The following PPFIA2 variants were observed in gnomAD, a reference collection of about 807,000 sequenced individuals.
PPFIA2 encodes PPFI scaffold protein A2, also known as liprin-alpha-2.
In PPFIA2, 46 loss-of-function variants were observed where a neutral mutation model predicts 175.5. The observed-to-expected ratio is 0.26, with a 90% CI of 0.21 to 0.34. PPFIA2 has a LOEUF of 0.34. Ranked by LOEUF, PPFIA2 falls within the 10% of genes least tolerant of loss-of-function variation. PPFIA2 has a pLI of 1.00. For synonymous variants in PPFIA2, 568 were observed against 511.4 expected (o/e 1.11, Z -1.49); for missense variants, 1,179 against 1,506.1 (o/e 0.78, Z 3.60).
chr12:81,669,877 C>T (rs1428943294), intron 4 of PPFIA2, among the ~76,000 whole-genome samples: 1 of 151,976 alleles, frequency 6.6e-6, no homozygotes, highest in Non-Finnish European at 1.5e-5. Flanking sequence ...GCTAACATAG[C>T]TTTAAGGCTA....
intron 4 of PPFIA2, 112 bp from the exon 5 acceptor site, chr12:81,457,978 G>T: frequency 1.5e-6 from 1 of 654,648 alleles, no homozygotes. Flanking sequence ...CCCACTGACT[G>T]GTCAACATAT....
intron 9 of PPFIA2, chr12:81,377,999 T>C (rs762189320): frequency 6.6e-6 from 1 of 152,108 alleles, no homozygotes; most frequent in Non-Finnish European, 1.5e-5. Flanking sequence ...AGGAGGGGAT[T>C]TGGGGACACA....
At chr12:81,518,904 C>T (rs1423129760) in intron 4 of PPFIA2, among the ~76,000 whole-genome samples, 1 of 152,044 alleles carries the variant, frequency 6.6e-6, no homozygotes, top group African/African-American at 2.4e-5. Context: ...GTTAAAGCTG[C>T]TCAAATATTT....
chr12:81,453,887 A>G (rs2053107306), intron 5 of PPFIA2, among the ~76,000 whole-genome samples: 1 of 152,178 alleles, frequency 6.6e-6, no homozygotes, highest in African/African-American at 2.4e-5. Context: ...TTGACTTTCC[A>G]CATGACTAAC....
rs1219422466 is a variant in PPFIA2 at position 81,268,008 on chromosome 12, A to T, written c.3390T>A (p.Leu1130=). Residue 1130 remains leucine (L), a synonymous_variant, in exon 29 of 33, where the codon CTT becomes CTA. Coordinates refer to ENST00000549396, the MANE Select transcript of PPFIA2 (RefSeq NM_003625.5). ...TAAGTGAGCCATGCACACCGCTCTC[A>T]AGTATATTATTTGCATATTCTCGAA... is the stretch of plus-strand genomic sequence containing the variant. The part of the protein sequence containing the change: ...IGLREYANNI[L]ESGVHGSLIA... The T allele has an allele frequency of 6.3e-7, 1 of 1,597,736 alleles. No individual in the cohort carries two copies. The highest frequency in any genetic ancestry group is 1.1e-5 in the South Asian group (1 of 88,156).
chr12:81,537,952 T>C (rs1170289443), intron 4 of PPFIA2, among the ~76,000 whole-genome samples: 1 of 151,860 alleles, frequency 6.6e-6, no homozygotes, highest in Non-Finnish European at 1.5e-5. Flanking sequence ...ACACTAACAG[T>C]GGATCAATCT....
chr12:81,333,404 G>A (rs1009108806), intron 21 of PPFIA2, among the ~76,000 whole-genome samples: 2 of 152,132 alleles, frequency 1.3e-5, no homozygotes, highest in East Asian at 1.9e-4. Context: ...TTCTCCGAAC[G>A]TGATTCCAAT....
Position 81,618,270 on chromosome 12 carries a change from T to A in PPFIA2, c.303+58521A>T, listed in dbSNP as rs560867496. On this transcript the variant is annotated intron_variant, in intron 4 of 32. Coordinates refer to ENST00000549396, the MANE Select transcript of PPFIA2 (RefSeq NM_003625.5). ...GTGTAAATCTGTGTGTGTGTGTGTG[T>A]GTGTGTGTGTGTATTCGATGAGGAA... Among the ~76,000 whole-genome samples, 3 of 152,138 alleles carry A rather than the reference T, an allele frequency of 2.0e-5. No homozygotes were observed. In the South Asian group the frequency reaches 6.2e-4, roughly 32 times the overall value.
At chr12:81,515,478 C>A (rs114024873) in intron 4 of PPFIA2, among the ~76,000 whole-genome samples, 2,361 of 152,022 alleles carry the variant, frequency 0.016, 52 homozygotes, top group East Asian at 0.043. Flanking sequence ...AAAGATTTTG[C>A]TACAATTATT....
chr12:81,629,392 T>C (rs1441644255), intron 4 of PPFIA2, among the ~76,000 whole-genome samples: 1 of 152,190 alleles, frequency 6.6e-6, no homozygotes, highest in African/African-American at 2.4e-5. Context: ...TTTTTAACAG[T>C]TAGAAACTCT....
At chr12:81,712,429 T>C (rs2078059698) in intron 3 of PPFIA2, among the ~76,000 whole-genome samples, 1 of 151,364 alleles carries the variant, frequency 6.6e-6, no homozygotes, top group Non-Finnish European at 1.5e-5. Context: ...AATCCCTTAA[T>C]TGCAAATGTG....
intron 4 of PPFIA2, among the ~76,000 whole-genome samples, chr12:81,461,897 AAT>A (rs2054600574): frequency 6.6e-6 from 1 of 152,050 alleles, no homozygotes; most frequent in East Asian, 1.9e-4. Flanking sequence ...TTTATAACTG[AAT>A]TATGTGTTCG....
chr12:81,595,189 T>C (rs2059111546), intron 4 of PPFIA2, among the ~76,000 whole-genome samples: 1 of 151,702 alleles, frequency 6.6e-6, no homozygotes, highest in East Asian at 1.9e-4. Flanking sequence ...TAGAATCATG[T>C]TGAGACATCA....
chr12:81,631,364 G>C (rs2063363609), intron 4 of PPFIA2, among the ~76,000 whole-genome samples: 1 of 152,104 alleles, frequency 6.6e-6, no homozygotes, highest in African/African-American at 2.4e-5. Flanking sequence ...TACTGCTCAA[G>C]AGTCAGGATC....
chr12:81,339,096 A>C, intron 21 of PPFIA2, 84 bp downstream of exon 21: 1 of 1,170,716 alleles, frequency 8.5e-7, no homozygotes, highest in South Asian at 2.3e-5. Flanking sequence ...AAAGAAGAGC[A>C]ATGAAATGAA....
chr12:81,652,826 A>C (rs2067216724), intron 4 of PPFIA2, among the ~76,000 whole-genome samples: 1 of 152,070 alleles, frequency 6.6e-6, no homozygotes, highest in Admixed American at 6.6e-5. Context: ...TGAAGAATTC[A>C]CCTACGCCAA....
intron 28 of PPFIA2, among the ~76,000 whole-genome samples, chr12:81,274,468 C>A (rs1476084803): frequency 2.0e-5 from 3 of 151,928 alleles, no homozygotes; most frequent in African/African-American, 7.3e-5. Flanking sequence ...GAGGTAAAGA[C>A]AAATAAAGCA....
chr12:81,339,136 C>A, intron 21 of PPFIA2, 44 bp downstream of exon 21: 1 of 1,458,452 alleles, frequency 6.9e-7, no homozygotes, highest in Non-Finnish European at 9.1e-7. Flanking sequence ...TGTGACATGA[C>A]TAAAATGAGT....
intron 4 of PPFIA2, among the ~76,000 whole-genome samples, chr12:81,470,710 C>T (rs897681781): frequency 6.6e-6 from 1 of 152,116 alleles, no homozygotes. Context: ...AATGCATATA[C>T]TTTTTTGTTG....
Sources: gnomAD v4.1 joint callset for allele counts (sites outside exome capture counted in the v4.1 genomes callset) on GRCh38, gnomAD v4.1.1 for gene constraint, MANE v1.5 for transcripts, NCBI Gene and HGNC (gene_info 2026-07-23, HGNC 2026-07-21) for gene names.